Variants in CDK8 observed in about 807,000 individuals in gnomAD.
CDK8 encodes cyclin-dependent kinase 8.
In CDK8, 29 loss-of-function variants were observed where a neutral mutation model predicts 71.5. That is an observed-to-expected ratio of 0.41 (90% CI 0.30 to 0.55). The LOEUF (loss-of-function observed/expected upper bound fraction) is 0.55, where lower values mean the gene tolerates loss of function less well. CDK8 is among the 20% of genes least tolerant of loss of function. The pLI is 0.37. For synonymous variants in CDK8, 161 were observed against 192.1 expected, an observed-to-expected ratio of 0.84 and a Z score of 1.34; for missense variants, 288 against 572.6, an observed-to-expected ratio of 0.50 and a Z score of 5.07.
intron 1 of CDK8, among the ~76,000 whole-genome samples, chr13:26,280,628 A>ATACCTGTTCAAG (rs1872707613): frequency 6.6e-6 from 1 of 152,242 alleles, no homozygotes; most frequent in Non-Finnish European, 1.5e-5. Context: ...CTTTTGTGAA[A>ATACCTGTTCAAG]TACCTGTTCA....
chr13:26,367,379 T>C (rs528438430), intron 4 of CDK8, among the ~76,000 whole-genome samples: 22 of 141,546 alleles, frequency 1.6e-4, no homozygotes, highest in Admixed American at 1.3e-3. Context: ...TATCTATCCT[T>C]GAATAATTTT....
At chr13:26,294,557 C>T (rs1873454532) in intron 1 of CDK8, among the ~76,000 whole-genome samples, 1 of 152,184 alleles carries the variant, frequency 6.6e-6, no homozygotes, top group South Asian at 2.1e-4. Flanking sequence ...ATTCCCTTTG[C>T]TCCACATCCT....
chr13:26,309,262 C>G (rs901909578), intron 1 of CDK8, among the ~76,000 whole-genome samples: 6 of 151,990 alleles, frequency 3.9e-5, no homozygotes, highest in Admixed American at 1.3e-4. Context: ...GCCTCAGCCT[C>G]CCGAGTAGCT....
chr13:26,352,930 G>A (rs1184694463), intron 3 of CDK8, among the ~76,000 whole-genome samples: 1 of 152,070 alleles, frequency 6.6e-6, no homozygotes. Flanking sequence ...TTACTTACAT[G>A]TATTGGCCAA....
At chr13:26,354,119 C>T (rs1186054980) in intron 4 of CDK8, among the ~76,000 whole-genome samples, 1 of 152,154 alleles carries the variant, frequency 6.6e-6, no homozygotes, top group African/African-American at 2.4e-5. Flanking sequence ...TCCTAAGCTT[C>T]TGTTTCCTTT....
intron 1 of CDK8, among the ~76,000 whole-genome samples, chr13:26,304,577 A>G (rs1873959110): frequency 6.6e-6 from 1 of 151,922 alleles, no homozygotes; most frequent in South Asian, 2.1e-4. Context: ...CCCTTTTTCC[A>G]AACTTCAACT....
intron 4 of CDK8, among the ~76,000 whole-genome samples, chr13:26,374,026 AAAAAAAAAAAAC>A (rs1184543264): frequency 7.7e-6 from 1 of 129,756 alleles, no homozygotes; most frequent in African/African-American, 3.2e-5. Flanking sequence ...CTAAAAAAAA[AAAAAAAAAAAAC>A]AAAAAACAAA....
intron 1 of CDK8, among the ~76,000 whole-genome samples, chr13:26,283,566 C>T (rs1341131983): frequency 2.0e-5 from 3 of 151,612 alleles, no homozygotes; most frequent in Admixed American, 6.6e-5. Context: ...CAAGATCGTG[C>T]CACTGCACCC....
intron 1 of CDK8, among the ~76,000 whole-genome samples, chr13:26,323,749 A>C (rs1315133105): frequency 6.6e-6 from 1 of 152,076 alleles, no homozygotes; most frequent in East Asian, 1.9e-4. Context: ...AAATTTTTCT[A>C]CTCACGTATA....
At chr13:26,270,531 T>C (rs1872265931) in intron 1 of CDK8, among the ~76,000 whole-genome samples, 1 of 152,186 alleles carries the variant, frequency 6.6e-6, no homozygotes. Flanking sequence ...CCATTAGCAA[T>C]CACTCCTTGT....
chr13:26,349,326 G>T, intron 3 of CDK8, 144 bp downstream of exon 3: 1 of 594,418 alleles, frequency 1.7e-6, no homozygotes, highest in South Asian at 2.3e-5. Context: ...GCATGACGAA[G>T]GCTAGAGTAT....
intron 1 of CDK8, among the ~76,000 whole-genome samples, chr13:26,281,793 G>A (rs971852524): frequency 4.6e-5 from 7 of 151,676 alleles, no homozygotes; most frequent in African/African-American, 1.7e-4. Flanking sequence ...CTCCAGAGAA[G>A]TAAATATCGT....
intron 1 of CDK8, among the ~76,000 whole-genome samples, chr13:26,321,307 C>T (rs1874763736): frequency 6.6e-6 from 1 of 152,020 alleles, no homozygotes; most frequent in Admixed American, 6.6e-5. Flanking sequence ...CTGTATATTT[C>T]CACTTACATG....
intron 1 of CDK8, among the ~76,000 whole-genome samples, chr13:26,312,789 G>A (rs1009637325): frequency 7.9e-5 from 12 of 152,212 alleles, no homozygotes; most frequent in East Asian, 1.9e-4. Context: ...TGCCTATCTC[G>A]TTTTGATTCT....
chr13:26,402,056 C>CTA (rs1876286795), intron 12 of CDK8, among the ~76,000 whole-genome samples: 2 of 152,196 alleles, frequency 1.3e-5, no homozygotes, highest in Admixed American at 1.3e-4. Context: ...CCCAGTCTGG[C>CTA]CACTTACTTC....
chr13:26,348,545 C>G (rs1228075683), intron 2 of CDK8, among the ~76,000 whole-genome samples: 3 of 152,088 alleles, frequency 2.0e-5, no homozygotes, highest in East Asian at 3.9e-4. Context: ...TTGAAACCAT[C>G]CACCATCTGC....
At chr13:26,266,020 T>C (rs966087258) in intron 1 of CDK8, among the ~76,000 whole-genome samples, 7 of 151,918 alleles carry the variant, frequency 4.6e-5, no homozygotes, top group African/African-American at 1.5e-4. Context: ...GAGGGAGAAA[T>C]GATAGGACTT....
intron 12 of CDK8, among the ~76,000 whole-genome samples, chr13:26,402,997 A>G (rs1017766939): frequency 6.6e-6 from 1 of 152,210 alleles, no homozygotes; most frequent in Non-Finnish European, 1.5e-5. Context: ...GACAGAAGTA[A>G]TAAGTTCTGG....
chr13:26,364,110 A>G (rs1452934205), intron 4 of CDK8, among the ~76,000 whole-genome samples: 7 of 152,214 alleles, frequency 4.6e-5, no homozygotes, highest in Admixed American at 3.9e-4. Flanking sequence ...TGACTTCATT[A>G]TGGTTATTCA....
Sources: allele counts gnomAD v4.1 joint callset (sites outside exome capture counted in the v4.1 genomes callset), GRCh38; gene constraint gnomAD v4.1.1; transcripts MANE v1.5; gene names NCBI Gene and HGNC (gene_info 2026-07-23, HGNC 2026-07-21).